Variants in NEGR1 observed in about 807,000 individuals in gnomAD.
NEGR1 encodes IgLON family member 4.
Under a neutral mutation model 40.9 loss-of-function variants are expected in NEGR1, and 10 were observed. That is an observed-to-expected ratio of 0.24 (90% CI 0.15 to 0.42). The LOEUF is 0.42. NEGR1 is among the 10% of genes least tolerant of loss of function. NEGR1 has a pLI of 1.00. For missense variants in NEGR1, 352 were observed against 438.9 expected (o/e 0.80, Z 1.77); for synonymous variants, 185 against 166.8 (o/e 1.11, Z -0.84).
chr1:71,597,412 T>TTATATATATATATATATA (rs369364525), intron 5 of NEGR1, among the ~76,000 whole-genome samples: 9 of 120,552 alleles, frequency 7.5e-5, no homozygotes, highest in African/African-American at 2.7e-4. Flanking sequence ...GGAGTTTTAT[T>TTATATATATATATATATA]TATATATATA....
At chr1:71,640,327 C>T (rs1288626505) in intron 4 of NEGR1, among the ~76,000 whole-genome samples, 1 of 151,998 alleles carries the variant, frequency 6.6e-6, no homozygotes, top group African/African-American at 2.4e-5. Context: ...GACCTCTAAC[C>T]TGCTTGCAAC....
At chr1:72,135,390 C>CAAAAAAAAAAACAAAAAAAAAA (rs1650418478) in intron 1 of NEGR1, among the ~76,000 whole-genome samples, 1 of 38,264 alleles carries the variant, frequency 2.6e-5, no homozygotes, top group African/African-American at 1.0e-4. Context: ...AAAAAAAAAA[C>CAAAAAAAAAAACAAAAAAAAAA]AAAAAACAAA....
chr1:72,136,616 C>CA (rs1650473866), intron 1 of NEGR1, among the ~76,000 whole-genome samples: 2 of 100,634 alleles, frequency 2.0e-5, no homozygotes, highest in Admixed American at 1.0e-4. Context: ...TGAACTGAAA[C>CA]AATAAAAAAA....
chr1:72,159,817 A>T (rs1218119130), intron 1 of NEGR1, among the ~76,000 whole-genome samples: 1 of 152,146 alleles, frequency 6.6e-6, no homozygotes, highest in East Asian at 1.9e-4. Context: ...ATAGAAGAAC[A>T]CTTTAGGGTT....
At chr1:71,850,936 A>G (rs1221359018) in intron 2 of NEGR1, among the ~76,000 whole-genome samples, 3 of 152,138 alleles carry the variant, frequency 2.0e-5, no homozygotes, top group African/African-American at 7.2e-5. Context: ...GTAACTTCTG[A>G]TTCAGGATTT....
chr1:71,580,322 G>C (rs1406933510), intron 6 of NEGR1, among the ~76,000 whole-genome samples: 1 of 149,678 alleles, frequency 6.7e-6, no homozygotes. Flanking sequence ...CATGGGGAGG[G>C]GGGAGGGATA....
At chr1:72,227,211 G>C (rs575422577) in intron 1 of NEGR1, among the ~76,000 whole-genome samples, 2 of 152,040 alleles carry the variant, frequency 1.3e-5, no homozygotes, top group African/African-American at 4.8e-5. Context: ...CTACCTCATG[G>C]GAAAGTCATG....
chr1:71,783,393 A>C (rs1372726084), intron 2 of NEGR1, among the ~76,000 whole-genome samples: 4 of 152,080 alleles, frequency 2.6e-5, no homozygotes, highest in African/African-American at 7.2e-5. Context: ...TTTTTCTCTA[A>C]ATTGGTTTGC....
chr1:71,460,290 A>G (rs1346036919), intron 6 of NEGR1, among the ~76,000 whole-genome samples: 3 of 152,170 alleles, frequency 2.0e-5, no homozygotes, highest in Non-Finnish European at 4.4e-5. Flanking sequence ...AGACTGCTTC[A>G]GTTGTTTCAG....
At chr1:71,857,624 C>T in intron 2 of NEGR1, among the ~76,000 whole-genome samples, 1 of 50,906 alleles carries the variant, frequency 2.0e-5, no homozygotes, top group African/African-American at 1.0e-4. Flanking sequence ...GAGATCCTGT[C>T]TCAAAAAAAA....
intron 6 of NEGR1, among the ~76,000 whole-genome samples, chr1:71,449,531 A>G (rs1254078259): frequency 2.6e-5 from 4 of 152,246 alleles, no homozygotes; most frequent in East Asian, 3.8e-4. Context: ...GAACAATTAC[A>G]TAATGGCAGA....
At chr1:72,127,453 G>C (rs1650068173) in intron 1 of NEGR1, among the ~76,000 whole-genome samples, 1 of 103,762 alleles carries the variant, frequency 9.6e-6, no homozygotes, top group Non-Finnish European at 1.8e-5. Flanking sequence ...GACAGAGCAA[G>C]GCTCTGTCTC....
intron 2 of NEGR1, among the ~76,000 whole-genome samples, chr1:71,858,674 T>A (rs1385951602): frequency 6.6e-6 from 1 of 152,056 alleles, no homozygotes; most frequent in East Asian, 1.9e-4. Flanking sequence ...CACATTTAAA[T>A]CTTAATTACT....
chr1:71,656,409 TTTG>T (rs1022908339), intron 4 of NEGR1, among the ~76,000 whole-genome samples: 11 of 152,014 alleles, frequency 7.2e-5, no homozygotes, highest in East Asian at 1.9e-4. Flanking sequence ...GTTTTTGTTT[TTTG>T]TTGTTGTTGT....
intron 4 of NEGR1, among the ~76,000 whole-genome samples, chr1:71,679,710 G>T (rs1570193278): frequency 1.3e-5 from 2 of 151,970 alleles, no homozygotes; most frequent in East Asian, 3.9e-4. Context: ...AATGGTAAGA[G>T]CCTCTATTGA....
chr1:71,989,237 C>T (rs773335410), intron 1 of NEGR1, among the ~76,000 whole-genome samples: 8 of 152,138 alleles, frequency 5.3e-5, no homozygotes, highest in Non-Finnish European at 1.0e-4. Context: ...ATATGACTCC[C>T]AAAGTACATG....
rs538605743 is a variant in NEGR1, at chr1:71,466,748, A to G, written c.941-59178T>C. ...CTGGTGTACATGGAGGAGAGTAAGC[A>G]AGGGTTTTGAAAAAGGGTTGCAGAT... On this transcript the variant is annotated intron_variant, in intron 6 of 6. Coordinates refer to ENST00000357731, the MANE Select transcript of NEGR1 (RefSeq NM_173808.3). 8.5e-5 allele frequency among the ~76,000 whole-genome samples: 13 copies of G among 152,214 alleles called. No individual in the cohort carries two copies. In the South Asian group the frequency reaches 2.7e-3, roughly 32 times the overall value.
rs186945012 is a variant in NEGR1, at chr1:71,495,837, A to G, written c.941-88267T>C. Among the ~76,000 whole-genome samples the G allele has an allele frequency of 4.9e-3, 748 of 152,292 alleles. 3 individuals carry two copies. Among genetic ancestry groups the G allele is most frequent in the Non-Finnish European group, 6.9e-3 (470 of 68,016 alleles). On this transcript the variant is annotated intron_variant, in intron 6 of 6. Transcript: ENST00000357731. ...AATCATTTTCCTAAGGAACCACTGT[A>G]TTAACAAAATAGTTCAACAGTTCTA...
intron 1 of NEGR1, among the ~76,000 whole-genome samples, chr1:72,216,934 A>C (rs1653841996): frequency 6.6e-6 from 1 of 151,404 alleles, no homozygotes; most frequent in African/African-American, 2.4e-5. Flanking sequence ...TATATACTTA[A>C]TTTATTCAGT....
Sources: allele counts gnomAD v4.1 joint callset (sites outside exome capture counted in the v4.1 genomes callset), GRCh38; gene constraint gnomAD v4.1.1; transcripts MANE v1.5; gene names NCBI Gene and HGNC (gene_info 2026-07-23, HGNC 2026-07-21).